The following PTDSS1 variants were observed in gnomAD, a reference collection of about 807,000 sequenced individuals.
PTDSS1 encodes PSS-1.
Under a neutral mutation model 70.5 loss-of-function variants are expected in PTDSS1, and 45 were observed. The ratio of observed to expected loss-of-function variants is 0.64; its 90% CI spans 0.50 to 0.82. The LOEUF (loss-of-function observed/expected upper bound fraction) is 0.82. PTDSS1 is among the 40% of genes least tolerant of loss of function. The pLI, the probability that PTDSS1 is intolerant of heterozygous loss-of-function variation, is 0.00. For synonymous variants in PTDSS1, 188 were observed against 203.8 expected (o/e 0.92, Z 0.66); for missense variants, 417 against 586.1 (o/e 0.71, Z 2.98).
At chr8:96,306,115 A>T (rs1811118358) in intron 7 of PTDSS1, among the ~76,000 whole-genome samples, 1 of 152,196 alleles carries the variant, frequency 6.6e-6, no homozygotes, top group Non-Finnish European at 1.5e-5. Context: ...TGCTCAAAGC[A>T]TTTCTCTCCC....
At chr8:96,291,658 CAAAG>C (rs555672103) in intron 4 of PTDSS1, among the ~76,000 whole-genome samples, 1 of 152,122 alleles carries the variant, frequency 6.6e-6, no homozygotes, top group Non-Finnish European at 1.5e-5. Context: ...ATTTATTTGT[CAAAG>C]AAACCACATT....
chr8:96,329,860 G>C (rs1450538051), intron 10 of PTDSS1, among the ~76,000 whole-genome samples: 1 of 152,148 alleles, frequency 6.6e-6, no homozygotes, highest in Non-Finnish European at 1.5e-5. Context: ...GGGAGAGAAT[G>C]GACCCTGAAA....
chr8:96,330,396 C>T, intron 11 of PTDSS1, 115 bp downstream of exon 11: 1 of 987,730 alleles, frequency 1.0e-6, no homozygotes, highest in Non-Finnish European at 1.5e-6. Flanking sequence ...GAGGTTGGGG[C>T]CTCCAGTCCT....
intron 5 of PTDSS1, 126 bp from the exon 6 acceptor site, chr8:96,299,568 A>C (rs559780966): frequency 9.4e-7 from 1 of 1,064,292 alleles, no homozygotes; most frequent in African/African-American, 1.6e-5. Flanking sequence ...TTTTCTGTAC[A>C]TTAGGAAAAA....
intron 6 of PTDSS1, among the ~76,000 whole-genome samples, chr8:96,302,138 C>T (rs1306309516): frequency 6.6e-6 from 1 of 152,130 alleles, no homozygotes; most frequent in East Asian, 1.9e-4. Context: ...CCTGCATCAG[C>T]CTCCCCAGTG....
chr8:96,298,955 G>A (rs137926078), intron 5 of PTDSS1, among the ~76,000 whole-genome samples: 238 of 151,640 alleles, frequency 1.6e-3, no homozygotes, highest in African/African-American at 5.5e-3. Context: ...CAGGAGAATT[G>A]CTTGAACCCG....
chr8:96,327,841 C>T (rs1403960462), intron 10 of PTDSS1, among the ~76,000 whole-genome samples: 1 of 152,198 alleles, frequency 6.6e-6, no homozygotes, highest in Non-Finnish European at 1.5e-5. Flanking sequence ...TCTCGCCCCC[C>T]CGCCCTTTCT....
intron 5 of PTDSS1, among the ~76,000 whole-genome samples, chr8:96,298,047 A>G (rs1210579222): frequency 6.6e-6 from 1 of 152,184 alleles, no homozygotes; most frequent in Non-Finnish European, 1.5e-5. Context: ...TTTCTCTTGC[A>G]TAGTTTTCTT....
At chr8:96,283,332 T>C (rs1471163392) in intron 2 of PTDSS1, among the ~76,000 whole-genome samples, 1 of 152,234 alleles carries the variant, frequency 6.6e-6, no homozygotes, top group Non-Finnish European at 1.5e-5. Context: ...GAACAGGTAC[T>C]CACCAGAATG....
At chr8:96,304,000 T>A (rs1255293410) in intron 6 of PTDSS1, 40 bp from the exon 7 acceptor site, 11 of 1,573,868 alleles carry the variant, frequency 7.0e-6, no homozygotes, top group African/African-American at 1.4e-5. Context: ...TCCCCCTGCC[T>A]TATCTCTGGA....
intron 3 of PTDSS1, among the ~76,000 whole-genome samples, chr8:96,285,265 G>A (rs562060994): frequency 3.3e-5 from 5 of 152,298 alleles, no homozygotes; most frequent in African/African-American, 1.2e-4. Context: ...CCAGGCAAGA[G>A]GAAAAGCTGC....
In PTDSS1 at chr8:96,299,799, G is replaced by A. The variant is rs368785037; in HGVS notation, c.706G>A (p.Val236Ile). The A allele has an allele frequency of 5.0e-5, 81 of 1,613,902 alleles. No individual in the cohort carries two copies. Among genetic ancestry groups the A allele is most frequent in the Non-Finnish European group, 6.4e-5 (75 of 1,179,986 alleles). Residue 236 changes from valine to isoleucine, a missense_variant, in exon 6 of 13, where the codon GTT becomes ATT. Coordinates refer to ENST00000517309, the MANE Select transcript of PTDSS1 (RefSeq NM_014754.3). ...NGGGIWLGMV[V>I]CRFLEMRTYH... is the part of the protein sequence containing the mutation. Reference sequence around the variant, plus strand: ...CGGTGGCATTTGGCTGGGCATGGTCGTTTGCCGGTTTTTAGAGATGAGGAC... The same window carrying A: ...CGGTGGCATTTGGCTGGGCATGGTCATTTGCCGGTTTTTAGAGATGAGGAC...
Position 96,262,290 on chromosome 8 carries a change from A to AGGGGGGGGGGGGGGGG in PTDSS1, c.179+77_179+78insGGGGGGGGGGGGGGGG. ...AGAGGCGGGAGGGAGGGTGGCGGGG[A>AGGGGGGGGGGGGGGGG]GGGGGGCCCGGCATGGCTCTGGGTG... On this transcript the variant is annotated intron_variant, in intron 1 of 12. Transcript: ENST00000517309. This position sits in a 1 kb window ranked among gnomAD's most constrained non-coding sequence, Gnocchi z 4.4. 3 of 387,406 alleles carry AGGGGGGGGGGGGGGGG rather than the reference A, an allele frequency of 7.7e-6. No homozygotes were observed. The highest frequency in any genetic ancestry group is 1.5e-5 in the Non-Finnish European group (3 of 201,922). The allele number at this position is 387,406 out of a possible 1,614,324, so 24.0% of individuals were successfully genotyped here. A position where few individuals can be genotyped will look rare whatever the true frequency, so the allele number is the denominator to read the frequency against.
intron 4 of PTDSS1, among the ~76,000 whole-genome samples, chr8:96,288,625 CTTTT>C (rs777705401): frequency 1.2e-5 from 1 of 84,648 alleles, no homozygotes; most frequent in African/African-American, 5.8e-5. Context: ...CACGCTTGGC[CTTTT>C]TTTTTTTTTT....
At chr8:96,307,909 T>A (rs1811148735) in intron 8 of PTDSS1, among the ~76,000 whole-genome samples, 1 of 152,212 alleles carries the variant, frequency 6.6e-6, no homozygotes, top group African/African-American at 2.4e-5. Flanking sequence ...TTTTGAGAGA[T>A]CCTCAAAATT....
intron 9 of PTDSS1, among the ~76,000 whole-genome samples, chr8:96,317,878 AGT>A (rs10529330): frequency 0.038 from 5,250 of 139,892 alleles, 105 homozygotes; most frequent in Middle Eastern, 0.058. Flanking sequence ...CTTTTGTTTC[AGT>A]GTGTGTGTGT....
chr8:96,301,443 C>A (rs1436983881), intron 6 of PTDSS1, among the ~76,000 whole-genome samples: 1 of 151,970 alleles, frequency 6.6e-6, no homozygotes, highest in Non-Finnish European at 1.5e-5. Context: ...ATTTAAACAT[C>A]AAAAATACTG....
chr8:96,293,950 C>T (rs887232757), intron 4 of PTDSS1, among the ~76,000 whole-genome samples: 1 of 152,198 alleles, frequency 6.6e-6, no homozygotes, highest in Non-Finnish European at 1.5e-5. Flanking sequence ...GTGACAAGAA[C>T]GTGCTGTTCC....
chr8:96,313,551 G>T (rs950849017), intron 9 of PTDSS1, among the ~76,000 whole-genome samples: 3 of 152,304 alleles, frequency 2.0e-5, no homozygotes, highest in African/African-American at 4.8e-5. Context: ...GTGTTTTATC[G>T]CCTGGTCCTG....
Sources: allele counts gnomAD v4.1 joint callset (sites outside exome capture counted in the v4.1 genomes callset), GRCh38; gene constraint gnomAD v4.1.1; non-coding constraint Gnocchi (gnomAD v3.1); transcripts MANE v1.5; gene names NCBI Gene and HGNC (gene_info 2026-07-23, HGNC 2026-07-21).